PITPNM2: variants seen among roughly 807,000 people sequenced by gnomAD.
PITPNM2 encodes the protein phosphatidylinositol transfer protein membrane associated 2, also known as membrane-associated phosphatidylinositol transfer protein 2.
In PITPNM2, 35 loss-of-function variants were observed where a neutral mutation model predicts 132.2. The observed-to-expected ratio is 0.26, with a 90% confidence interval of 0.20 to 0.35. PITPNM2 has a LOEUF of 0.35. Ranked by LOEUF, PITPNM2 falls within the 10% of genes least tolerant of loss-of-function variation. The pLI is 1.00. For missense variants in PITPNM2, 1,332 were observed against 1,912.0 expected (o/e 0.70, Z 5.66); for synonymous variants, 738 against 799.2 (o/e 0.92, Z 1.29).
At position 123,108,741 on chromosome 12, in the gene PITPNM2, A is replaced by G. The variant is rs565432118; in HGVS notation, c.-96+1644T>C. 2.6e-4 allele frequency among the ~76,000 whole-genome samples: 40 copies of G among 152,322 alleles called. 1 individual carries two copies. In the South Asian group the frequency reaches 8.1e-3, roughly 31 times the overall value. The stretch of plus-strand genomic sequence containing the variant: ...AGAATGAGCAATTAGAGAAGATAAC[A>G]GTCCACGGTGCCAGCCTGGAACTAC... On this transcript the variant is annotated intron_variant, in intron 2 of 25. Coordinates refer to ENST00000320201, the MANE Select transcript of PITPNM2 (RefSeq NM_020845.3). This position sits in a 1 kb window ranked among gnomAD's most constrained non-coding sequence, Gnocchi z 4.4.
At chr12:123,120,142 G>A (rs552514150) in intron 1 of PITPNM2, among the ~76,000 whole-genome samples, 97 of 152,228 alleles carry the variant, frequency 6.4e-4, no homozygotes, top group African/African-American at 2.0e-3. Context: ...ATATGAACCC[G>A]CAGATTTAAG....
rs2037852813 is a variant in PITPNM2 at position 122,984,435 on chromosome 12, C to T, written c.*1592G>A. The T allele has an allele frequency of 6.6e-6, 1 of 152,614 alleles. No homozygotes were observed. The highest frequency in any genetic ancestry group is 2.4e-5 in the African/African-American group (1 of 41,456). The allele number at this position is 152,614 out of a possible 1,614,324, so 9.5% of individuals were successfully genotyped here. ...GCAACAGTTACATGAAAACTTGGTC[C>T]ATAAAATAATCGTTGCTTTATACAT... On this transcript the variant is annotated 3_prime_UTR_variant, in exon 26 of 26. Transcript: ENST00000320201.
chr12:123,009,947 C>T lies in PITPNM2; in HGVS notation c.546G>A (p.Lys182=), dbSNP rs2039112077. Residue 182 remains lysine (K), a synonymous_variant, in exon 6 of 26, where the codon AAG becomes AAA. Transcript: ENST00000320201. This position sits in a 1 kb window ranked among gnomAD's most constrained non-coding sequence, Gnocchi z 4.8. The part of the protein sequence containing the change: ...LSENWIEEYK[K]QVFPIMCAYK... The stretch of plus-strand genomic sequence containing the variant: ...ATGCGCACATGATGGGGAAGACCTG[C>T]TTCTTGTACTCCTCGATCCAGTTCT... 1.2e-6 allele frequency: 2 copies of T among 1,614,228 alleles called. No homozygotes were observed. The highest frequency in any genetic ancestry group is 1.7e-6 in the Non-Finnish European group (2 of 1,180,042).
At chr12:123,131,035 G>A (rs1431773730) in intron 1 of PITPNM2, among the ~76,000 whole-genome samples, 1 of 152,134 alleles carries the variant, frequency 6.6e-6, no homozygotes, top group East Asian at 1.9e-4. Flanking sequence ...CAATACACCT[G>A]AGCAGACATG....
intron 2 of PITPNM2, among the ~76,000 whole-genome samples, chr12:123,051,813 T>C (rs2040864364): frequency 6.6e-6 from 1 of 152,204 alleles, no homozygotes; most frequent in Non-Finnish European, 1.5e-5. Context: ...AATGCCTGAG[T>C]TAACACCCAT....
intron 1 of PITPNM2, among the ~76,000 whole-genome samples, chr12:123,120,681 G>T (rs1350228875): frequency 2.6e-5 from 4 of 152,128 alleles, no homozygotes; most frequent in Non-Finnish European, 5.9e-5. Flanking sequence ...ACAACACCTA[G>T]CACCTTAGGG....
At chr12:123,148,279 G>T (rs998833358) in intron 1 of PITPNM2, among the ~76,000 whole-genome samples, 2 of 152,214 alleles carry the variant, frequency 1.3e-5, no homozygotes, top group African/African-American at 4.8e-5. Context: ...TCATCTAAGC[G>T]AAGTTGAGAA....
chr12:122,992,499 C>A lies in PITPNM2; in HGVS notation c.2404G>T (p.Ala802Ser), dbSNP rs1388458858. 6.2e-7 allele frequency: 1 copy of A among 1,609,774 alleles called. No individual in the cohort carries two copies. Among genetic ancestry groups the A allele is most frequent in the South Asian group, 1.1e-5 (1 of 90,886 alleles). ...PLGDGCSTLL[A>S]DVLQTHNAAF... ...GAGTGGGGCGGAATGTGCCTCTCAC[C>A]CAGCAGCGTGGAGCAGCCATCCCCC... The change falls in exon 16 of 26, where the codon GCG (alanine) becomes TCG (serine). Residue 802 changes from alanine (A) to serine (S), a missense_variant and splice_region_variant. Around this residue, in one of 6 missense-constraint regions of PITPNM2, gnomAD observed 710 missense variants for 911.5 expected, o/e 0.78. Transcript: ENST00000320201. The surrounding 1 kb of genome is among the most constrained non-coding windows in gnomAD (Gnocchi z 6.5).
chr12:123,068,233 C>A (rs1384534715), intron 2 of PITPNM2, among the ~76,000 whole-genome samples: 1 of 151,938 alleles, frequency 6.6e-6, no homozygotes, highest in Non-Finnish European at 1.5e-5. Context: ...TTTGGGAGGC[C>A]AAGGTGGGCG....
Position 123,147,545 on chromosome 12 carries a change from T to G in PITPNM2, c.-200+3208A>C, listed in dbSNP as rs111407061. On this transcript the variant is annotated intron_variant, in intron 1 of 25. Coordinates refer to ENST00000320201, the MANE Select transcript of PITPNM2 (RefSeq NM_020845.3). ...GTGATGACTTTATAAAGAATATATA[T>G]AGAGAGATTTATACATAAACACACA... 9.5e-4 allele frequency among the ~76,000 whole-genome samples: 145 copies of G among 152,272 alleles called. 1 individual carries two copies. Among genetic ancestry groups the G allele is most frequent in the African/African-American group, 2.6e-3 (107 of 41,548 alleles).
chr12:123,067,414 C>T (rs1001090329), intron 2 of PITPNM2, among the ~76,000 whole-genome samples: 3 of 150,418 alleles, frequency 2.0e-5, no homozygotes, highest in Non-Finnish European at 4.4e-5. Flanking sequence ...CAAGATTGTG[C>T]CACTGCACTC....
At chr12:123,113,320 G>A (rs1192426598) in intron 1 of PITPNM2, among the ~76,000 whole-genome samples, 1 of 152,204 alleles carries the variant, frequency 6.6e-6, no homozygotes, top group Non-Finnish European at 1.5e-5. Context: ...CCAGAGTGCT[G>A]ACAACAGACC....
At chr12:123,127,264 T>C (rs1005959515) in intron 1 of PITPNM2, among the ~76,000 whole-genome samples, 3 of 152,154 alleles carry the variant, frequency 2.0e-5, no homozygotes, top group Non-Finnish European at 2.9e-5. Flanking sequence ...TGCCCTCCAT[T>C]TCCTGGGAGT....
rs1189187624 is a variant in PITPNM2 at position 122,984,818 on chromosome 12, G to T, written c.*1209C>A. The T allele has an allele frequency of 6.6e-6, 1 of 152,334 alleles. No individual in the cohort carries two copies. The highest frequency in any genetic ancestry group is 1.5e-5 in the Non-Finnish European group (1 of 68,094). The allele number at this position is 152,334 out of a possible 1,614,324, so 9.4% of individuals were successfully genotyped here. A position where few individuals can be genotyped will look rare whatever the true frequency, so the allele number is the denominator to read the frequency against. ...CCGGAGCTGGCCGTTGAGCGCCACA[G>T]CCAAGGTCACGCTTGGTGCTGGGGA... On this transcript the variant is annotated 3_prime_UTR_variant, in exon 26 of 26. Coordinates refer to ENST00000320201, the MANE Select transcript of PITPNM2 (RefSeq NM_020845.3).
intron 1 of PITPNM2, among the ~76,000 whole-genome samples, chr12:123,110,753 A>C (rs1413235302): frequency 6.6e-6 from 1 of 152,188 alleles, no homozygotes; most frequent in Non-Finnish European, 1.5e-5. Flanking sequence ...GTGGGAACTG[A>C]GACCACCAGC....
At chr12:123,066,111 C>T (rs1319346792) in intron 2 of PITPNM2, among the ~76,000 whole-genome samples, 1 of 152,086 alleles carries the variant, frequency 6.6e-6, no homozygotes, top group Non-Finnish European at 1.5e-5. Context: ...CTGCGATGGG[C>T]CAGGGGAAGG....
Position 123,000,614 on chromosome 12 carries a change from C to T in PITPNM2, c.1224+164G>A. The T allele has an allele frequency of 2.6e-6, 2 of 779,916 alleles. No individual in the cohort carries two copies. Among genetic ancestry groups the T allele is most frequent in the African/African-American group, 1.7e-5 (1 of 57,458 alleles). The allele number at this position is 779,916 out of a possible 1,614,324, so 48.3% of individuals were successfully genotyped here. ...GACAGGCGCCTTCCTAGCAGGGCAG[C>T]AAAAAAGGAGGCCCAGGCCTCTCCC... On this transcript the variant is annotated intron_variant, in intron 10 of 25. Coordinates refer to ENST00000320201, the MANE Select transcript of PITPNM2 (RefSeq NM_020845.3). This position sits in a 1 kb window ranked among gnomAD's most constrained non-coding sequence, Gnocchi z 5.4.
At position 122,994,739 on chromosome 12, in the gene PITPNM2, T is replaced by G; in HGVS notation, c.2233+62A>C. 2.0e-6 allele frequency: 3 copies of G among 1,513,070 alleles called. No homozygotes were observed. Among genetic ancestry groups the G allele is most frequent in the Non-Finnish European group, 2.7e-6 (3 of 1,126,668 alleles). The allele number at this position is 1,513,070 out of a possible 1,614,324, so 93.7% of individuals were successfully genotyped here. A position where few individuals can be genotyped will look rare whatever the true frequency, so the allele number is the denominator to read the frequency against. On this transcript the variant is annotated intron_variant, in intron 15 of 25. Transcript: ENST00000320201. The surrounding 1 kb of genome is among the most constrained non-coding windows in gnomAD (Gnocchi z 5.4). Reference sequence around the variant, plus strand: ...CCATGATCTCATCACAGGGGTCCACTGAGACCCCCGCCCCCGCACCCAGTG... The same window carrying G: ...CCATGATCTCATCACAGGGGTCCACGGAGACCCCCGCCCCCGCACCCAGTG...
In PITPNM2 at chr12:123,128,401, A is replaced by G. The variant is rs999499007; in HGVS notation, c.-199-17913T>C. The stretch of plus-strand genomic sequence containing the variant: ...AGGTTGCAGTGAGCTAAATCACGCC[A>G]CTGCACTCCAGCCTGGGTGACAGAG... On this transcript the variant is annotated intron_variant, in intron 1 of 25. Transcript: ENST00000320201. Among the ~76,000 whole-genome samples, 24 of 141,130 alleles carry G rather than the reference A, an allele frequency of 1.7e-4. 1 individual carries two copies. Among genetic ancestry groups the G allele is most frequent in the Non-Finnish European group, 2.1e-4 (14 of 66,336 alleles). The allele number at this position is 141,130 out of a possible 152,430, so 92.6% of individuals were successfully genotyped here. A position where few individuals can be genotyped will look rare whatever the true frequency, so the allele number is the denominator to read the frequency against.
Sources: gnomAD v4.1 joint callset for allele counts (sites outside exome capture counted in the v4.1 genomes callset) on GRCh38, gnomAD v4.1.1 for gene constraint, gnomAD v4.1.1 regional missense constraint, Gnocchi (gnomAD v3.1) non-coding constraint, MANE v1.5 for transcripts, NCBI Gene and HGNC (gene_info 2026-07-23, HGNC 2026-07-21) for gene names.